SPTLC2: variants seen among roughly 807,000 people sequenced by gnomAD.
The protein encoded by SPTLC2 is serine palmitoyltransferase long chain base subunit 2.
SPTLC2 carries 21 observed loss-of-function variants against 62.0 expected under a neutral mutation model. The ratio of observed to expected loss-of-function variants is 0.34; its 90% confidence interval spans 0.24 to 0.49. SPTLC2 has a LOEUF of 0.49. SPTLC2 is among the 20% of genes least tolerant of loss of function. The pLI is 0.99. For missense variants in SPTLC2, 511 were observed against 713.0 expected (o/e 0.72, Z 3.23); for synonymous variants, 261 against 261.8 (o/e 1.00, Z 0.03).
Position 77,509,878 on chromosome 14 carries a change from A to C in SPTLC2, c.*2406T>G. On this transcript the variant is annotated 3_prime_UTR_variant, in exon 12 of 12. Transcript: ENST00000216484. ...CTTATCTTGAAATAACTTTGTACCA[A>C]CAAAGTGATATAGATATATTTTAAA... 2.5e-6 allele frequency: 1 copy of C among 398,458 alleles called. No individual in the cohort carries two copies. Among genetic ancestry groups the C allele is most frequent in the East Asian group, 3.6e-5 (1 of 28,016 alleles). The allele number at this position is 398,458 out of a possible 1,614,324, so 24.7% of individuals were successfully genotyped here.
At chr14:77,597,447 G>A (rs2079853628) in intron 1 of SPTLC2, 67 bp from the exon 2 acceptor site, 4 of 1,465,296 alleles carry the variant, frequency 2.7e-6, no homozygotes, top group South Asian at 2.3e-5. Context: ...TAAAATCTAG[G>A]TCCTTAGAGA....
In SPTLC2 at chr14:77,575,984, G is replaced by A. The variant is rs113717941; in HGVS notation, c.631+783C>T. Among the ~76,000 whole-genome samples the A allele has an allele frequency of 7.7e-4, 117 of 152,308 alleles. 1 individual carries two copies. The highest frequency in any genetic ancestry group is 2.6e-3 in the African/African-American group (108 of 41,572). ...CCACCGCAGCCTAGGTGAAACATGCGAATGAAGAAGGCTTCATGTCTCCAG... is the reference window on the plus strand; with the variant it reads ...CCACCGCAGCCTAGGTGAAACATGCAAATGAAGAAGGCTTCATGTCTCCAG... On this transcript the variant is annotated intron_variant, in intron 4 of 11. Transcript: ENST00000216484.
chr14:77,597,557 T>G (rs1473347215), intron 1 of SPTLC2, among the ~76,000 whole-genome samples, 177 bp from the exon 2 acceptor site: 2 of 147,776 alleles, frequency 1.4e-5, no homozygotes, highest in East Asian at 2.1e-4. Context: ...GGCAGATCAC[T>G]TGAGGTCAGG....
chr14:77,567,876 T>G (rs1253127112), intron 5 of SPTLC2, among the ~76,000 whole-genome samples: 3 of 152,132 alleles, frequency 2.0e-5, no homozygotes, highest in Non-Finnish European at 4.4e-5. Flanking sequence ...ACTTTTTTTC[T>G]AATACAGGTT....
chr14:77,601,757 C>T (rs2079878695), intron 1 of SPTLC2, among the ~76,000 whole-genome samples: 1 of 152,206 alleles, frequency 6.6e-6, no homozygotes, highest in South Asian at 2.1e-4. Context: ...CAACCTCTCT[C>T]ACTATCCCTC....
intron 1 of SPTLC2, among the ~76,000 whole-genome samples, chr14:77,598,109 C>G (rs1275481395): frequency 5.6e-5 from 7 of 124,514 alleles, no homozygotes; most frequent in African/African-American, 1.8e-4. Context: ...GAAATAAGAG[C>G]GAAACCCCAT....
chr14:77,608,606 T>C (rs1375121783), intron 1 of SPTLC2, among the ~76,000 whole-genome samples: 2 of 152,146 alleles, frequency 1.3e-5, no homozygotes, highest in Non-Finnish European at 2.9e-5. Flanking sequence ...AGCAAATAGA[T>C]ATACTGTATC....
chr14:77,544,157 C>G (rs1237017067), intron 9 of SPTLC2, among the ~76,000 whole-genome samples: 1 of 152,060 alleles, frequency 6.6e-6, no homozygotes, highest in East Asian at 1.9e-4. Flanking sequence ...CAGACGTGTA[C>G]CACCACACTT....
At position 77,597,494 on chromosome 14, in the gene SPTLC2, G is replaced by A. The variant is rs565277053; in HGVS notation, c.133-114C>T. 9.7e-5 allele frequency: 100 copies of A among 1,028,998 alleles called. No individual in the cohort carries two copies. In the East Asian group the frequency reaches 1.8e-3, roughly 18 times the overall value. 63.7% of individuals were successfully genotyped at this position (1,028,998 alleles called of 1,614,324 possible). On this transcript the variant is annotated intron_variant, in intron 1 of 11. Transcript: ENST00000216484. The stretch of plus-strand genomic sequence containing the variant: ...ATACCTTAAGAATTTTCTAAGTTCC[G>A]CCGGGCGCACTGGCTCACACCTGTA...
At chr14:77,534,825 C>G (rs1037008406) in intron 9 of SPTLC2, among the ~76,000 whole-genome samples, 3 of 152,120 alleles carry the variant, frequency 2.0e-5, no homozygotes, top group Non-Finnish European at 4.4e-5. Context: ...AGACAAAACT[C>G]CTGCCTTTAT....
At chr14:77,589,309 C>A (rs1169526465) in intron 2 of SPTLC2, among the ~76,000 whole-genome samples, 2 of 151,904 alleles carry the variant, frequency 1.3e-5, no homozygotes, top group Non-Finnish European at 2.9e-5. Context: ...TCCATGAAAG[C>A]GCAGAATGAG....
At chr14:77,576,945 C>G (rs1345442492) in intron 3 of SPTLC2, 30 bp from the exon 4 acceptor site, 1 of 1,613,026 alleles carries the variant, frequency 6.2e-7, no homozygotes, top group Non-Finnish European at 8.5e-7. Flanking sequence ...AACAATGAAA[C>G]TCATGAGCAA....
intron 10 of SPTLC2, among the ~76,000 whole-genome samples, chr14:77,519,426 A>T (rs1007806931): frequency 3.9e-5 from 6 of 152,120 alleles, no homozygotes; most frequent in African/African-American, 7.2e-5. Flanking sequence ...GTTTGAGAAT[A>T]AAAAAATGTG....
At chr14:77,568,843 C>A (rs980269033) in intron 5 of SPTLC2, among the ~76,000 whole-genome samples, 1 of 150,546 alleles carries the variant, frequency 6.6e-6, no homozygotes, top group African/African-American at 2.4e-5. Context: ...GGGTTAATGT[C>A]TCTAATTACA....
chr14:77,559,660 C>G (rs2079604238), intron 6 of SPTLC2, among the ~76,000 whole-genome samples: 1 of 152,144 alleles, frequency 6.6e-6, no homozygotes, highest in South Asian at 2.1e-4. Context: ...GAGGCTGAGA[C>G]AGCAGGATCG....
chr14:77,580,269 T>C (rs1324226641), intron 2 of SPTLC2, among the ~76,000 whole-genome samples: 1 of 151,766 alleles, frequency 6.6e-6, no homozygotes, highest in Non-Finnish European at 1.5e-5. Flanking sequence ...TCACTTGAAG[T>C]CTCAGGAGTT....
At chr14:77,588,336 T>G (rs2079794347) in intron 2 of SPTLC2, among the ~76,000 whole-genome samples, 1 of 152,150 alleles carries the variant, frequency 6.6e-6, no homozygotes, top group Non-Finnish European at 1.5e-5. Context: ...AAATTAAGAA[T>G]TTTTAAATCC....
intron 2 of SPTLC2, among the ~76,000 whole-genome samples, chr14:77,596,595 T>TC (rs72469011): frequency 0.034 from 5,248 of 152,214 alleles, 296 homozygotes; most frequent in African/African-American, 0.12. Flanking sequence ...GAAGCCCTCT[T>TC]CCCCAGACAA....
intron 9 of SPTLC2, among the ~76,000 whole-genome samples, chr14:77,535,062 G>C (rs2079462152): frequency 6.6e-6 from 1 of 152,120 alleles, no homozygotes; most frequent in Admixed American, 6.5e-5. Context: ...CGAGTAGCTG[G>C]GATTACAGGC....
Sources: gnomAD v4.1 joint callset for allele counts (sites outside exome capture counted in the v4.1 genomes callset) on GRCh38, gnomAD v4.1.1 for gene constraint, MANE v1.5 for transcripts, NCBI Gene and HGNC (gene_info 2026-07-23, HGNC 2026-07-21) for gene names.